The following ATG16L1 variants were observed in gnomAD, a reference collection of about 807,000 sequenced individuals.
ATG16L1 encodes the protein autophagy related 16 like 1, also known as autophagy-related protein 16-1.
In ATG16L1, 37 loss-of-function variants were observed where a neutral mutation model predicts 88.5. The observed-to-expected ratio is 0.42, with a 90% CI of 0.32 to 0.55. The LOEUF is 0.55. Among genes scored for constraint, ATG16L1 ranks in the 20% least tolerant of loss-of-function variants. The pLI, the probability that ATG16L1 is intolerant of heterozygous loss-of-function variation, is 0.13. For missense variants in ATG16L1, 554 were observed against 752.8 expected, an observed-to-expected ratio of 0.74 and a Z score of 3.09; for synonymous variants, 301 against 281.0, an observed-to-expected ratio of 1.07 and a Z score of -0.71.
intron 16 of ATG16L1, among the ~76,000 whole-genome samples, chr2:233,292,692 G>A (rs1699545245): frequency 6.6e-6 from 1 of 152,188 alleles, no homozygotes; most frequent in Admixed American, 6.5e-5. Context: ...AGCCCATTAG[G>A]TTCACTTCTC....
At chr2:233,280,714 A>G (rs1698667762) in intron 10 of ATG16L1, among the ~76,000 whole-genome samples, 2 of 152,248 alleles carry the variant, frequency 1.3e-5, no homozygotes, top group Non-Finnish European at 2.9e-5. Context: ...ATGCTGATCA[A>G]CCCAAATATT....
intron 12 of ATG16L1, among the ~76,000 whole-genome samples, chr2:233,286,643 T>TTTTTTTTTTTTTTTTTTTTG (rs1553608374): frequency 7.2e-6 from 1 of 138,870 alleles, no homozygotes; most frequent in African/African-American, 2.8e-5. Flanking sequence ...TTTTTTTTTT[T>TTTTTTTTTTTTTTTTTTTTG]GAGACAGTGT....
intron 9 of ATG16L1, among the ~76,000 whole-genome samples, chr2:233,276,922 A>G (rs1698415469): frequency 6.6e-6 from 1 of 152,250 alleles, no homozygotes; most frequent in African/African-American, 2.4e-5. Flanking sequence ...AGGCTTATGC[A>G]TTAACAGGCA....
chr2:233,276,564 T>G (rs1184020391), intron 9 of ATG16L1, among the ~76,000 whole-genome samples: 1 of 152,180 alleles, frequency 6.6e-6, no homozygotes, highest in African/African-American at 2.4e-5. Context: ...AGTCTCAACC[T>G]TGGGCTGAAG....
chr2:233,284,289 A>G (rs907179108), intron 12 of ATG16L1, among the ~76,000 whole-genome samples: 6 of 151,666 alleles, frequency 4.0e-5, no homozygotes, highest in African/African-American at 1.5e-4. Context: ...CTGGGATTAC[A>G]TGCATCCTCC....
chr2:233,255,441 G>C lies in ATG16L1; in HGVS notation c.116-661G>C, dbSNP rs977983470. 1.4e-4 allele frequency among the ~76,000 whole-genome samples: 21 copies of C among 152,342 alleles called. No individual in the cohort carries two copies. The South Asian group carries it at 1.9e-3, about 14-fold the overall frequency. On this transcript the variant is annotated intron_variant, in intron 1 of 17. Coordinates refer to ENST00000392017, the MANE Select transcript of ATG16L1 (RefSeq NM_030803.7). ...CTCCGCCCAGTTGCTTGAGCGAGGAGCCTCAGAATAATCCTTGACTTTTTA... is the reference window on the plus strand; with the variant it reads ...CTCCGCCCAGTTGCTTGAGCGAGGACCCTCAGAATAATCCTTGACTTTTTA...
intron 10 of ATG16L1, among the ~76,000 whole-genome samples, chr2:233,277,909 A>G (rs1426587881): frequency 6.6e-6 from 1 of 152,222 alleles, no homozygotes; most frequent in African/African-American, 2.4e-5. Context: ...GTGATCAGAA[A>G]ATACTGTTAA....
In ATG16L1 at chr2:233,273,765, C is replaced by G. The variant is rs1698145891; in HGVS notation, c.839C>G (p.Thr280Ser). The G allele has an allele frequency of 1.9e-6, 3 of 1,614,016 alleles. No individual in the cohort carries two copies. The highest frequency in any genetic ancestry group is 2.5e-6 in the Non-Finnish European group (3 of 1,179,998). The change falls in exon 8 of 18, where the codon ACT becomes AGT. Residue 280 changes from threonine to serine, a missense_variant. Coordinates refer to ENST00000392017, the MANE Select transcript of ATG16L1 (RefSeq NM_030803.7). ...QPAGGLLDSI[T>S]NIFGRRSVSS... Reference sequence around the variant, plus strand: ...GCTGGAGGCCTTCTGGATTCTATCACTAATATCTTTGGGTAGGTTAGAAGA... The same window carrying G: ...GCTGGAGGCCTTCTGGATTCTATCAGTAATATCTTTGGGTAGGTTAGAAGA...
At chr2:233,273,357 C>A in intron 7 of ATG16L1, 1 of 493,042 alleles carries the variant, frequency 2.0e-6, no homozygotes, top group Non-Finnish European at 3.6e-6. Context: ...CATCCTGTTT[C>A]ATTCTTACTA....
chr2:233,281,301 TAAAG>T (rs1389885278), intron 11 of ATG16L1, 126 bp downstream of exon 11: 2 of 716,410 alleles, frequency 2.8e-6, no homozygotes, highest in African/African-American at 3.6e-5. Context: ...AAATCCATGT[TAAAG>T]AAAGATGGAA....
In ATG16L1 at chr2:233,289,969, A is replaced by G. The variant is rs751259779; in HGVS notation, c.1319A>G (p.Lys440Arg). The G allele has an allele frequency of 4.3e-6, 7 of 1,613,660 alleles. No homozygotes were observed. The Admixed American group carries it at 6.7e-5, about 15-fold the overall frequency. Residue 440 changes from lysine to arginine, a missense_variant, in exon 13 of 18, where the codon AAA becomes AGA. Coordinates refer to ENST00000392017, the MANE Select transcript of ATG16L1 (RefSeq NM_030803.7). ...RTLKLWDLRS[K>R]VCIKTVFAGS... ...CTCAAACTCTGGGATCTACGCAGCA[A>G]AGTCTGTGAGGAAATTCAGTCTCTC...
intron 12 of ATG16L1, among the ~76,000 whole-genome samples, chr2:233,286,816 G>A (rs1241123765): frequency 6.6e-6 from 1 of 151,458 alleles, no homozygotes; most frequent in Non-Finnish European, 1.5e-5. Context: ...TAGTAGAGAC[G>A]AGATTTCACC....
At chr2:233,272,491 T>G (rs1698061096) in intron 6 of ATG16L1, among the ~76,000 whole-genome samples, 1 of 152,150 alleles carries the variant, frequency 6.6e-6, no homozygotes, top group South Asian at 2.1e-4. Flanking sequence ...CTTCTTTCCC[T>G]GAATTCTCCC....
At chr2:233,263,864 G>A (rs1697381569) in intron 3 of ATG16L1, 128 bp from the exon 4 acceptor site, 2 of 759,828 alleles carry the variant, frequency 2.6e-6, no homozygotes, top group Non-Finnish European at 4.2e-6. Flanking sequence ...GTCCCCATAG[G>A]CGCCTCGGCT....
chr2:233,277,562 T>C lies in ATG16L1; in HGVS notation c.955-6T>C. The C allele has an allele frequency of 6.2e-7, 1 of 1,613,676 alleles. No individual in the cohort carries two copies. The highest frequency in any genetic ancestry group is 8.5e-7 in the Non-Finnish European group (1 of 1,179,630). On this transcript the variant is annotated splice_region_variant and splice_polypyrimidine_tract_variant and intron_variant, in intron 9 of 17. Coordinates refer to ENST00000392017, the MANE Select transcript of ATG16L1 (RefSeq NM_030803.7). ...CTGGGTTTGACACAGGGTGCTTGTC[T>C]TGCAGGATGCACATGATGGGGAAGT...
In ATG16L1 at chr2:233,251,929, G is replaced by T; in HGVS notation, c.102G>T (p.Glu34Asp). The T allele has an allele frequency of 6.5e-7, 1 of 1,548,964 alleles. No individual in the cohort carries two copies. The highest frequency in any genetic ancestry group is 8.7e-7 in the Non-Finnish European group (1 of 1,147,018). Reference sequence around the variant, plus strand: ...GGCTGCAGAGACAGGCGTTCGAGGAGATCATCCTGCAGTGTGAGCGGCGCC... The same window carrying T: ...GGCTGCAGAGACAGGCGTTCGAGGATATCATCCTGCAGTGTGAGCGGCGCC... ...RDRLQRQAFEEIILQYNKLLE... is the reference protein window; with the variant it reads ...RDRLQRQAFEDIILQYNKLLE... The change falls in exon 1 of 18, where the codon GAG becomes GAT. Residue 34 changes from glutamate (E) to aspartate (D), a missense_variant. By Grantham distance (45) the Glu-to-Asp change is conservative (BLOSUM62 2). Around this residue, in one of 5 missense-constraint regions of ATG16L1, gnomAD observed 101 missense variants for 107.0 expected, o/e 0.94. Transcript: ENST00000392017.
intron 1 of ATG16L1, among the ~76,000 whole-genome samples, chr2:233,254,558 T>A (rs963703208): frequency 2.6e-5 from 4 of 152,186 alleles, no homozygotes; most frequent in African/African-American, 9.7e-5. Context: ...ATCTCCAGCC[T>A]TCTCTTCAGG....
In ATG16L1 at chr2:233,281,124, T is replaced by C; in HGVS notation, c.1080T>C (p.Gly360=). 1 of 1,604,436 alleles carries C rather than the reference T, an allele frequency of 6.2e-7. No homozygotes were observed. Among genetic ancestry groups the C allele is most frequent in the African/African-American group, 1.3e-5 (1 of 74,508 alleles). ...ATACAGAAAAATGTGAGTTCAAGGG[T>C]TCCCTATCTGGCAGTAATGCAGGAA... is the stretch of plus-strand genomic sequence containing the variant. The part of the protein sequence containing the change: ...EVFGEKCEFK[G]SLSGSNAGIT... The change falls in exon 11 of 18, where the codon GGT becomes GGC. Residue 360 remains glycine, a synonymous_variant. Transcript: ENST00000392017.
At chr2:233,263,690 A>C (rs771885369) in intron 3 of ATG16L1, among the ~76,000 whole-genome samples, 1 of 152,218 alleles carries the variant, frequency 6.6e-6, no homozygotes, top group Non-Finnish European at 1.5e-5. Flanking sequence ...CCATCAGTAC[A>C]GCTGAATTGA....
Sources: allele counts gnomAD v4.1 joint callset (sites outside exome capture counted in the v4.1 genomes callset), GRCh38; gene constraint gnomAD v4.1.1; regional missense constraint gnomAD v4.1.1; transcripts MANE v1.5; gene names NCBI Gene and HGNC (gene_info 2026-07-23, HGNC 2026-07-21).